IL17REL: variants seen among roughly 807,000 people sequenced by gnomAD.
IL17REL encodes the protein interleukin 17 receptor E like.
IL17REL carries 36 observed loss-of-function variants against 49.0 expected under a neutral mutation model. The ratio of observed to expected loss-of-function variants is 0.73; its 90% confidence interval spans 0.56 to 0.97. IL17REL has a LOEUF of 0.97. Ranked by LOEUF, IL17REL falls within the 50% of genes least tolerant of loss-of-function variation. The pLI is 0.00. For missense variants in IL17REL, 470 were observed against 453.9 expected (o/e 1.04, Z -0.32); for synonymous variants, 206 against 192.4 (o/e 1.07, Z -0.58).
chr22:50,000,779 G>A, exon 3 of IL17REL: 1 of 1,598,068 alleles, frequency 6.3e-7, no homozygotes, highest in East Asian at 2.2e-5. Flanking sequence ...CTGCCGGTGG[G>A]AGGCCCTGGC....
At chr22:50,000,387 G>A in intron 4 of IL17REL, 91 bp downstream of exon 5, 2 of 953,736 alleles carry the variant, frequency 2.1e-6, no homozygotes, top group Non-Finnish European at 3.3e-6. Flanking sequence ...TCCAGTGTGA[G>A]GGCCAGGCCC....
chr22:50,002,005 G>A (rs2146750343), intron 1 of IL17REL, among the ~76,000 whole-genome samples: 1 of 152,364 alleles, frequency 6.6e-6, no homozygotes, highest in East Asian at 1.9e-4. Context: ...AGGCAGGAGA[G>A]TAAGGAATGA....
chr22:49,998,370 G>A (rs2061050580), intron 7 of IL17REL, 61 bp from the exon 10 acceptor site: 1 of 1,501,604 alleles, frequency 6.7e-7, no homozygotes, highest in Admixed American at 2.0e-5. Flanking sequence ...CCAGGCCCAT[G>A]GGGTCTAGCA....
At chr22:49,999,834 A>T (rs764747540) in exon 5 of IL17REL, 64 of 1,513,896 alleles carry the variant, frequency 4.2e-5, no homozygotes, top group Middle Eastern at 2.2e-4. Context: ...TCACTCGCAC[A>T]GGGGCGCCGG....
chr22:49,997,100 G>A lies in IL17REL; in HGVS notation c.975-26C>T, dbSNP rs537657759. On this transcript the variant is annotated intron_variant, in intron 11 of 12. Transcript: ENST00000341280. ...CTGGGTGGGGGAGGGCAGGTCACAG[G>A]CAATGGGAGGAAGGGTGGATCAGGC... The A allele has an allele frequency of 7.1e-5, 112 of 1,569,582 alleles. 1 individual carries two copies. In the South Asian group the frequency reaches 1.2e-3, roughly 16 times the overall value.
In IL17REL at chr22:49,998,074, G is replaced by A. The variant is rs752943111; in HGVS notation, c.775-5C>T. On this transcript the variant is annotated splice_region_variant and splice_polypyrimidine_tract_variant and intron_variant, in intron 8 of 12. Coordinates refer to ENST00000341280, the Ensembl canonical transcript of IL17REL. ...GTCCACCAGCGGGTACTGCACCTGA[G>A]GAGGGCTGGGGTCAGGCTGTGGCAT... 6.3e-7 allele frequency: 1 copy of A among 1,592,484 alleles called. No individual in the cohort carries two copies. Among genetic ancestry groups the A allele is most frequent in the East Asian group, 2.2e-5 (1 of 44,714 alleles).
exon 13 of IL17REL, chr22:49,995,603 G>T: frequency 6.6e-6 from 1 of 152,670 alleles, no homozygotes; most frequent in Non-Finnish European, 1.5e-5. Context: ...CCATGTGGGT[G>T]GGTGCAGCTG....
exon 4 of IL17REL, chr22:50,000,545 G>T: frequency 6.2e-7 from 1 of 1,613,628 alleles, no homozygotes; most frequent in South Asian, 1.1e-5. Context: ...GGGTGACATA[G>T]AGGTGCTGGG....
chr22:50,005,978 C>T (rs148629912), intron 1 of IL17REL, among the ~76,000 whole-genome samples: 5 of 151,918 alleles, frequency 3.3e-5, no homozygotes, highest in Admixed American at 1.3e-4. Context: ...TTCCTAGAAA[C>T]GTAGGAGAGC....
intron 1 of IL17REL, among the ~76,000 whole-genome samples, chr22:50,006,826 A>T (rs1438616331): frequency 1.3e-5 from 2 of 151,976 alleles, no homozygotes; most frequent in South Asian, 4.2e-4. Flanking sequence ...ATGGTGGCAC[A>T]TGCCTGTAAT....
intron 5 of IL17REL, 109 bp from the exon 8 acceptor site, chr22:49,999,611 G>A (rs2061062403): frequency 2.4e-6 from 2 of 818,236 alleles, no homozygotes; most frequent in Non-Finnish European, 3.8e-6. Flanking sequence ...AGGTGGGTGG[G>A]GCCTAGGCCT....
upstream of IL17REL, among the ~76,000 whole-genome samples, chr22:50,011,988 G>T (rs2061143575): frequency 6.6e-6 from 1 of 152,204 alleles, no homozygotes; most frequent in Admixed American, 6.5e-5. Context: ...TCCCCACTGT[G>T]CCCGGCCAGC....
At chr22:49,997,220 T>C in intron 11 of IL17REL, 100 bp downstream of exon 13, 1 of 1,433,058 alleles carries the variant, frequency 7.0e-7, no homozygotes, top group Non-Finnish European at 9.6e-7. Flanking sequence ...CTGGGTGGGC[T>C]CAGGGCCCGG....
intron 1 of IL17REL, among the ~76,000 whole-genome samples, chr22:50,005,086 A>G (rs1391049730): frequency 2.0e-5 from 3 of 152,042 alleles, no homozygotes; most frequent in East Asian, 3.9e-4. Context: ...GAAGCTGCTC[A>G]TTGTGAAATA....
chr22:50,002,255 C>T (rs1437525126), intron 1 of IL17REL, among the ~76,000 whole-genome samples: 1 of 152,226 alleles, frequency 6.6e-6, no homozygotes, highest in African/African-American at 2.4e-5. Flanking sequence ...GCATTTGGGG[C>T]CTTGGCTGCT....
At chr22:50,010,005 G>A (rs1054842974), upstream of IL17REL, among the ~76,000 whole-genome samples, 1 of 10,014 alleles carries the variant, frequency 1.0e-4, no homozygotes, top group African/African-American at 6.8e-4. Flanking sequence ...GTGGAATCAC[G>A]TGCTACTAGT....
chr22:49,993,007 G>C (rs996694572), downstream of IL17REL, among the ~76,000 whole-genome samples: 1 of 152,080 alleles, frequency 6.6e-6, no homozygotes, highest in South Asian at 2.1e-4. This position sits in a 1 kb window ranked among gnomAD's most constrained non-coding sequence, Gnocchi z 6.0. Context: ...ACGCCCCCTC[G>C]CTTACTTATG....
At chr22:49,998,516 ATG>A (rs908023458) in intron 7 of IL17REL, among the ~76,000 whole-genome samples, 1 of 138,204 alleles carries the variant, frequency 7.2e-6, no homozygotes, top group African/African-American at 2.8e-5. Context: ...GCGTGCGCCT[ATG>A]TGTGTGCCTG....
At chr22:50,009,592 T>C (rs1413692665), upstream of IL17REL, among the ~76,000 whole-genome samples, 1 of 123,028 alleles carries the variant, frequency 8.1e-6, no homozygotes, top group Non-Finnish European at 1.6e-5. Context: ...GCTCCATTCT[T>C]GAAAAGAGCT....
Sources: gnomAD v4.1 joint callset for allele counts (sites outside exome capture counted in the v4.1 genomes callset) on GRCh38, gnomAD v4.1.1 for gene constraint, Gnocchi (gnomAD v3.1) non-coding constraint, MANE v1.5 for transcripts, NCBI Gene and HGNC (gene_info 2026-07-23, HGNC 2026-07-21) for gene names.